The following FGD5 variants were observed in gnomAD, a reference collection of about 807,000 sequenced individuals.
The protein encoded by FGD5 is FYVE, RhoGEF and PH domain-containing protein 5.
A neutral mutation model predicts 133.4 loss-of-function variants in FGD5; 28 were observed. That is an observed-to-expected ratio of 0.21 (90% CI 0.16 to 0.29). The LOEUF (loss-of-function observed/expected upper bound fraction) is 0.29. Among genes scored for constraint, FGD5 ranks in the 10% least tolerant of loss-of-function variants. The pLI is 1.00. For synonymous variants in FGD5, 810 were observed against 776.5 expected (o/e 1.04, Z -0.72); for missense variants, 1,858 against 1,895.2 (o/e 0.98, Z 0.36).
chr3:14,922,349 C>T lies in FGD5; in HGVS notation c.3670-62C>T, dbSNP rs963508770. ...GAGACGCAGGGCAGGGCTCACTGGG[C>T]TCTGCATCTGGCTGGTCTCCTGGCC... On this transcript the variant is annotated intron_variant, in intron 14 of 19. Transcript: ENST00000285046. This position sits in a 1 kb window ranked among gnomAD's most constrained non-coding sequence, Gnocchi z 4.1. 1.3e-6 allele frequency: 2 copies of T among 1,547,054 alleles called. No individual in the cohort carries two copies. The highest frequency in any genetic ancestry group is 1.7e-6 in the Non-Finnish European group (2 of 1,144,070).
chr3:14,888,185 A>T (rs903065), intron 4 of FGD5, among the ~76,000 whole-genome samples: 22,946 of 149,650 alleles, frequency 0.15, 2,027 homozygotes, highest in East Asian at 0.29. Context: ...AAAAAAATAC[A>T]GATGCTCAGA....
chr3:14,861,350 C>G (rs968171511), intron 1 of FGD5, among the ~76,000 whole-genome samples: 1 of 152,184 alleles, frequency 6.6e-6, no homozygotes, highest in Non-Finnish European at 1.5e-5. Context: ...CAACAAACAG[C>G]CAAGCCAGAA....
At chr3:14,908,941 T>TTC (rs1559502063) in intron 10 of FGD5, among the ~76,000 whole-genome samples, 60 of 149,942 alleles carry the variant, frequency 4.0e-4, no homozygotes, top group African/African-American at 1.5e-3. Flanking sequence ...TTTATTTATT[T>TTC]ATTTATTTAT....
intron 1 of FGD5, among the ~76,000 whole-genome samples, chr3:14,844,512 G>A (rs1266275036): frequency 1.3e-5 from 2 of 151,492 alleles, no homozygotes; most frequent in African/African-American, 2.4e-5. Flanking sequence ...CTTGGGACCC[G>A]ACTGACACTG....
At chr3:14,832,497 C>G (rs1184141620) in intron 1 of FGD5, among the ~76,000 whole-genome samples, 1 of 152,230 alleles carries the variant, frequency 6.6e-6, no homozygotes, top group Non-Finnish European at 1.5e-5. Context: ...CACCCAGGCT[C>G]TCAGCTCTGC....
intron 9 of FGD5, among the ~76,000 whole-genome samples, chr3:14,903,119 C>T (rs2038273001): frequency 6.6e-6 from 1 of 152,188 alleles, no homozygotes; most frequent in Non-Finnish European, 1.5e-5. Flanking sequence ...ATGCAGCTGT[C>T]ATCCCATTCA....
chr3:14,847,528 A>G (rs925107153), intron 1 of FGD5, among the ~76,000 whole-genome samples: 2 of 152,198 alleles, frequency 1.3e-5, no homozygotes, highest in African/African-American at 4.8e-5. Context: ...GTAAACATTA[A>G]AAACAGGAAC....
chr3:14,898,223 C>A (rs1457241409), intron 6 of FGD5, 128 bp downstream of exon 6: 3 of 1,236,738 alleles, frequency 2.4e-6, no homozygotes, highest in East Asian at 2.3e-5. Flanking sequence ...GAAGACCTGG[C>A]CAGAGGGATG....
chr3:14,919,542 G>A (rs952388020), intron 13 of FGD5, among the ~76,000 whole-genome samples: 6 of 152,172 alleles, frequency 3.9e-5, no homozygotes, highest in African/African-American at 7.2e-5. Context: ...GGCGTGAACC[G>A]GGGAGGTGGA....
rs1360249841 is a variant in FGD5, at chr3:14,820,684, C to T, written c.1613C>T (p.Pro538Leu). ...GKPLEASRAL[P>L]AKPRAFTLYP... ...CCCTTGGAAGCCAGCAGGGCCTTGCCAGCAAAGCCCAGGGCCTTTACTTTA... is the reference window on the plus strand; with the variant it reads ...CCCTTGGAAGCCAGCAGGGCCTTGCTAGCAAAGCCCAGGGCCTTTACTTTA... The change falls in exon 1 of 20, where the codon CCA becomes CTA. Residue 538 changes from proline to leucine, a missense_variant. Physicochemically the swap from Pro to Leu is moderately conservative, Grantham distance 98. Coordinates refer to ENST00000285046, the MANE Select transcript of FGD5 (RefSeq NM_152536.4). The T allele has an allele frequency of 5.0e-6, 8 of 1,589,718 alleles. No homozygotes were observed. Among genetic ancestry groups the T allele is most frequent in the East Asian group, 2.2e-5 (1 of 44,738 alleles).
rs1368293336 is a variant in FGD5, at chr3:14,843,760, G to A, written c.2526-20368G>A. 3.5e-5 allele frequency among the ~76,000 whole-genome samples: 5 copies of A among 142,976 alleles called. No homozygotes were observed. The South Asian group carries it at 6.7e-4, about 19-fold the overall frequency. 93.8% of individuals were successfully genotyped at this position (142,976 alleles called of 152,430 possible). On this transcript the variant is annotated intron_variant, in intron 1 of 19. Transcript: ENST00000285046. ...GGCTGGGGTGCAGTGGCGTGATCTC[G>A]GCTTACTGCAACCTCTGCCTCCTGG...
rs765289639 is a variant in FGD5 at position 14,820,075 on chromosome 3, T to C, written c.1004T>C (p.Met335Thr). 1.1e-5 allele frequency: 17 copies of C among 1,613,922 alleles called. No homozygotes were observed. Among genetic ancestry groups the C allele is most frequent in the Non-Finnish European group, 1.7e-6 (2 of 1,179,900 alleles). The stretch of plus-strand genomic sequence containing the variant: ...ATTGTCCCTTTTGAGAATGACTGCA[T>C]GGAGGACTTCGTGACTTCCCTCACA... Reference protein sequence around the residue: ...CQIVPFENDCMEDFVTSLTGS... With the variant: ...CQIVPFENDCTEDFVTSLTGS... The change falls in exon 1 of 20, where the codon ATG becomes ACG. Residue 335 changes from methionine (M) to threonine (T), a missense_variant. Met to Thr is a moderately conservative substitution (Grantham distance 81). Transcript: ENST00000285046.
intron 2 of FGD5, among the ~76,000 whole-genome samples, chr3:14,864,781 C>T (rs778976467): frequency 5.3e-5 from 8 of 152,120 alleles, no homozygotes; most frequent in South Asian, 2.1e-4. Context: ...TTGGGGGCCA[C>T]GTCACAGTGA....
rs2038949036 is a variant in FGD5 at position 14,934,490 on chromosome 3, T to C, written c.*1323T>C. The C allele has an allele frequency of 6.6e-6, 1 of 152,238 alleles. No homozygotes were observed. The highest frequency in any genetic ancestry group is 1.5e-5 in the Non-Finnish European group (1 of 68,048). 9.4% of individuals were successfully genotyped at this position (152,238 alleles called of 1,614,324 possible). ...CATCTCTGGACTTACTTGCATTAAA[T>C]ATTTTCAGGGGAATTTTTTTTTCCA... On this transcript the variant is annotated 3_prime_UTR_variant, in exon 20 of 20. Coordinates refer to ENST00000285046, the MANE Select transcript of FGD5 (RefSeq NM_152536.4).
chr3:14,815,139 C>CTCT (rs1222717465), upstream of FGD5, among the ~76,000 whole-genome samples: 1 of 152,190 alleles, frequency 6.6e-6, no homozygotes. Flanking sequence ...TCCCACATCA[C>CTCT]TCTGAGTCAA....
chr3:14,842,023 T>C (rs2036932915), intron 1 of FGD5, among the ~76,000 whole-genome samples: 1 of 152,316 alleles, frequency 6.6e-6, no homozygotes, highest in African/African-American at 2.4e-5. Flanking sequence ...TGAAAAGGCA[T>C]CCCAGCTTGG....
intron 6 of FGD5, 60 bp downstream of exon 6, chr3:14,898,155 G>A (rs956779214): frequency 1.9e-6 from 3 of 1,604,344 alleles, no homozygotes; most frequent in Non-Finnish European, 2.6e-6. Context: ...GGTGGGCGAA[G>A]GGCTTAATGC....
Position 14,820,383 on chromosome 3 carries a change from G to A in FGD5, c.1312G>A (p.Gly438Ser), listed in dbSNP as rs545861931. Reference sequence around the variant, plus strand: ...CTATGTGATGGGAGTGGGCCTGCCCGGTCAGGCGGCCCCTGGAGAAGGAGG... The same window carrying A: ...CTATGTGATGGGAGTGGGCCTGCCCAGTCAGGCGGCCCCTGGAGAAGGAGG... ...NPYVMGVGLP[G>S]QAAPGEGGQA... Residue 438 changes from glycine (G) to serine (S), a missense_variant, in exon 1 of 20, where the codon GGT (glycine) becomes AGT (serine). This residue lies in a region of FGD5 where 1,824 missense variants were observed against 1,848.9 expected (regional missense o/e 0.99). Coordinates refer to ENST00000285046, the MANE Select transcript of FGD5 (RefSeq NM_152536.4). 89 of 1,613,834 alleles carry A rather than the reference G, an allele frequency of 5.5e-5. No homozygotes were observed. The highest frequency in any genetic ancestry group is 1.7e-4 in the Middle Eastern group (1 of 6,058).
chr3:14,820,435 G>T lies in FGD5; in HGVS notation c.1364G>T (p.Gly455Val). The T allele has an allele frequency of 1.2e-6, 2 of 1,613,834 alleles. No individual in the cohort carries two copies. Among genetic ancestry groups the T allele is most frequent in the African/African-American group, 1.3e-5 (1 of 75,038 alleles). ...GGQAASDALG[G>V]YGSKEELNCE... ...CAGGCTGCATCGGACGCCCTGGGTG[G>T]TTATGGCTCGAAAGAAGAATTGAAC... is the stretch of plus-strand genomic sequence containing the variant. Residue 455 changes from glycine to valine, a missense_variant, in exon 1 of 20, where the codon GGT becomes GTT. Physicochemically the swap from Gly to Val is moderately radical, Grantham distance 109. Transcript: ENST00000285046.
Sources: gnomAD v4.1 joint callset for allele counts (sites outside exome capture counted in the v4.1 genomes callset) on GRCh38, gnomAD v4.1.1 for gene constraint, gnomAD v4.1.1 regional missense constraint, Gnocchi (gnomAD v3.1) non-coding constraint, MANE v1.5 for transcripts, NCBI Gene and HGNC (gene_info 2026-07-23, HGNC 2026-07-21) for gene names.